Variants in PGGT1B observed in about 807,000 individuals in gnomAD.
PGGT1B encodes the protein protein geranylgeranyltransferase type I subunit beta, also known as geranylgeranyl transferase type-1 subunit beta.
In PGGT1B, 30 loss-of-function variants were observed where a neutral mutation model predicts 46.1. The observed-to-expected ratio is 0.65, with a 90% CI of 0.49 to 0.88. The LOEUF (loss-of-function observed/expected upper bound fraction) is 0.88. PGGT1B is among the 40% of genes least tolerant of loss of function. The pLI is 0.00. For synonymous variants in PGGT1B, 170 were observed against 160.0 expected (o/e 1.06, Z -0.47); for missense variants, 376 against 455.9 (o/e 0.82, Z 1.60).
chr5:115,213,676 T>TG (rs1286977316), intron 8 of PGGT1B, among the ~76,000 whole-genome samples: 4 of 151,974 alleles, frequency 2.6e-5, no homozygotes, highest in African/African-American at 9.7e-5. Context: ...GAGGCTGAGG[T>TG]GGGAGGCTCA....
chr5:115,227,464 C>T (rs1756824526), intron 6 of PGGT1B, among the ~76,000 whole-genome samples: 1 of 152,148 alleles, frequency 6.6e-6, no homozygotes, highest in African/African-American at 2.4e-5. Flanking sequence ...CTCCCATATA[C>T]TTGTCATCCA....
chr5:115,231,607 G>A (rs925578117), intron 5 of PGGT1B: 1 of 152,010 alleles, frequency 6.6e-6, no homozygotes, highest in African/African-American at 2.4e-5. Context: ...ATCCCAGCAA[G>A]CCGTCTATTG....
chr5:115,261,969 G>A lies in PGGT1B; in HGVS notation c.140+743C>T, dbSNP rs1036706871. On this transcript the variant is annotated intron_variant, in intron 1 of 8. Transcript: ENST00000419445. ...GTCATGCAGTGTTCAAAATACACCAGCAACTCAGAATTTGGAAAACGTGGG... is the reference window on the plus strand; with the variant it reads ...GTCATGCAGTGTTCAAAATACACCAACAACTCAGAATTTGGAAAACGTGGG... Among the ~76,000 whole-genome samples, 52 of 152,262 alleles carry A rather than the reference G, an allele frequency of 3.4e-4. 2 individuals carry two copies. Among genetic ancestry groups the A allele is most frequent in the Admixed American group, 3.4e-3 (52 of 15,296 alleles).
intron 5 of PGGT1B, among the ~76,000 whole-genome samples, chr5:115,233,280 AAAC>A (rs1371812679): frequency 6.6e-6 from 1 of 151,998 alleles, no homozygotes; most frequent in Non-Finnish European, 1.5e-5. Context: ...ACAGATGAAC[AAAC>A]AATAGAAATA....
At chr5:115,243,560 A>G (rs916851489) in intron 2 of PGGT1B, among the ~76,000 whole-genome samples, 3 of 152,186 alleles carry the variant, frequency 2.0e-5, no homozygotes, top group African/African-American at 7.2e-5. Context: ...ATAAGGCTGA[A>G]ATTTGTTCTC....
chr5:115,233,886 C>T (rs1757081396), intron 5 of PGGT1B, among the ~76,000 whole-genome samples: 1 of 151,944 alleles, frequency 6.6e-6, no homozygotes, highest in African/African-American at 2.4e-5. Context: ...TGGGCAATCT[C>T]TAATAAAATT....
chr5:115,250,375 G>A (rs1748039121), intron 2 of PGGT1B, among the ~76,000 whole-genome samples: 1 of 152,162 alleles, frequency 6.6e-6, no homozygotes, highest in African/African-American at 2.4e-5. Context: ...TTGGAGAAGG[G>A]GCAGGTGATT....
intron 6 of PGGT1B, among the ~76,000 whole-genome samples, chr5:115,224,468 A>G (rs1041550698): frequency 6.6e-6 from 1 of 152,224 alleles, no homozygotes; most frequent in Non-Finnish European, 1.5e-5. Flanking sequence ...AAACATTTAC[A>G]AAGTCTATGC....
At chr5:115,234,656 G>T (rs1432999307) in intron 5 of PGGT1B, among the ~76,000 whole-genome samples, 1 of 151,936 alleles carries the variant, frequency 6.6e-6, no homozygotes, top group African/African-American at 2.4e-5. Flanking sequence ...CTTAAATATA[G>T]TACTTTGACT....
chr5:115,255,893 CATT>C (rs1337582027), intron 1 of PGGT1B, among the ~76,000 whole-genome samples: 3 of 152,106 alleles, frequency 2.0e-5, no homozygotes, highest in Non-Finnish European at 2.9e-5. Flanking sequence ...GGGTGCTTCT[CATT>C]AGAATCTGCT....
At chr5:115,227,441 G>C (rs925754874) in intron 6 of PGGT1B, among the ~76,000 whole-genome samples, 1 of 152,102 alleles carries the variant, frequency 6.6e-6, no homozygotes, top group African/African-American at 2.4e-5. Context: ...GTAGAGTCCA[G>C]CTTGCCCTCA....
At chr5:115,233,254 A>T (rs2127006832) in intron 5 of PGGT1B, among the ~76,000 whole-genome samples, 1 of 152,154 alleles carries the variant, frequency 6.6e-6, no homozygotes, top group South Asian at 2.1e-4. Flanking sequence ...ATAAAAAACG[A>T]AATTAAAAGC....
At chr5:115,217,166 C>T (rs989109338) in intron 7 of PGGT1B, among the ~76,000 whole-genome samples, 193 bp from the exon 8 acceptor site, 4 of 152,084 alleles carry the variant, frequency 2.6e-5, no homozygotes, top group Non-Finnish European at 5.9e-5. Flanking sequence ...ATCTACTCTC[C>T]TTTTCTCGAC....
chr5:115,246,658 T>C (rs1229867657), intron 2 of PGGT1B, among the ~76,000 whole-genome samples: 1 of 152,150 alleles, frequency 6.6e-6, no homozygotes, highest in African/African-American at 2.4e-5. Flanking sequence ...ATCAATTGCC[T>C]ATTTTGAAAA....
rs1349109164 is a variant in PGGT1B, at chr5:115,231,807, G to C, written c.613-786C>G. On this transcript the variant is annotated intron_variant, in intron 5 of 8. Coordinates refer to ENST00000419445, the MANE Select transcript of PGGT1B (RefSeq NM_005023.4). Reference sequence around the variant, plus strand: ...CACACATTCCAGTTGCCATGGTTTAGCTAAATAACACAACAAACTTCAGTA... The same window carrying C: ...CACACATTCCAGTTGCCATGGTTTACCTAAATAACACAACAAACTTCAGTA... 5.3e-5 allele frequency: 8 copies of C among 152,172 alleles called. No individual in the cohort carries two copies. The East Asian group carries it at 1.5e-3, about 29-fold the overall frequency. 9.4% of individuals were successfully genotyped at this position (152,172 alleles called of 1,614,324 possible).
At chr5:115,258,491 C>G (rs1043316574) in intron 1 of PGGT1B, among the ~76,000 whole-genome samples, 4 of 152,222 alleles carry the variant, frequency 2.6e-5, no homozygotes, top group Admixed American at 1.3e-4. Context: ...ACAAAGCTTT[C>G]CATGATCTGA....
At chr5:115,233,820 G>C (rs1757077885) in intron 5 of PGGT1B, among the ~76,000 whole-genome samples, 1 of 151,930 alleles carries the variant, frequency 6.6e-6, no homozygotes, top group Admixed American at 6.6e-5. Flanking sequence ...TGTGAAAACA[G>C]GCACTCTCTT....
In PGGT1B at chr5:115,207,268, G is replaced by A. The variant is rs1331162656; in HGVS notation, c.*5134C>T. 3 of 143,364 alleles carry A rather than the reference G, an allele frequency of 2.1e-5. No homozygotes were observed. Among genetic ancestry groups the A allele is most frequent in the African/African-American group, 7.8e-5 (3 of 38,660 alleles). The allele number at this position is 143,364 out of a possible 1,614,324, so 8.9% of individuals were successfully genotyped here. A position where few individuals can be genotyped will look rare whatever the true frequency, so the allele number is the denominator to read the frequency against. ...GCTATAATTATACATACAGAAAAGTGCACAAATCATATACAGCTTGATAAA... is the reference window on the plus strand; with the variant it reads ...GCTATAATTATACATACAGAAAAGTACACAAATCATATACAGCTTGATAAA... On this transcript the variant is annotated 3_prime_UTR_variant, in exon 9 of 9. Coordinates refer to ENST00000419445, the MANE Select transcript of PGGT1B (RefSeq NM_005023.4).
intron 5 of PGGT1B, among the ~76,000 whole-genome samples, chr5:115,235,299 A>C (rs1280248825): frequency 6.6e-6 from 1 of 152,110 alleles, no homozygotes; most frequent in Non-Finnish European, 1.5e-5. Flanking sequence ...ATAAATGCAG[A>C]GAGAAAGTTT....
Sources: allele counts gnomAD v4.1 joint callset (sites outside exome capture counted in the v4.1 genomes callset), GRCh38; gene constraint gnomAD v4.1.1; transcripts MANE v1.5; gene names NCBI Gene and HGNC (gene_info 2026-07-23, HGNC 2026-07-21).